TMEM132C: variants seen among roughly 807,000 people sequenced by gnomAD.
TMEM132C encodes transmembrane protein 132C.
Under a neutral mutation model 61.4 loss-of-function variants are expected in TMEM132C, and 29 were observed. The observed-to-expected ratio is 0.47, with a 90% confidence interval of 0.35 to 0.64. The LOEUF (loss-of-function observed/expected upper bound fraction) is 0.64. Ranked by LOEUF, TMEM132C falls within the 30% of genes least tolerant of loss-of-function variation. The pLI, the probability that TMEM132C is intolerant of heterozygous loss-of-function variation, is 0.00. For synonymous variants in TMEM132C, 656 were observed against 633.1 expected, an observed-to-expected ratio of 1.04 and a Z score of -0.54; for missense variants, 1,408 against 1,476.9, an observed-to-expected ratio of 0.95 and a Z score of 0.76.
chr12:128,517,278 A>T (rs1203493177), intron 2 of TMEM132C, among the ~76,000 whole-genome samples: 1 of 151,738 alleles, frequency 6.6e-6, no homozygotes, highest in African/African-American at 2.4e-5. Context: ...ACAAACAAAT[A>T]TACAAAAAAT....
intron 1 of TMEM132C, among the ~76,000 whole-genome samples, chr12:128,366,594 T>G (rs555531159): frequency 5.2e-4 from 79 of 152,210 alleles, no homozygotes; most frequent in Non-Finnish European, 9.7e-4. Context: ...AGTTTGAGGC[T>G]TGTGAGATGG....
intron 3 of TMEM132C, among the ~76,000 whole-genome samples, chr12:128,589,671 A>C (rs1875683826): frequency 6.6e-6 from 1 of 152,188 alleles, no homozygotes; most frequent in Admixed American, 6.5e-5. Context: ...AGGCAGTAGA[A>C]GTTTTGCTCA....
intron 2 of TMEM132C, among the ~76,000 whole-genome samples, chr12:128,498,905 T>C (rs1474313155): frequency 2.6e-5 from 4 of 152,152 alleles, no homozygotes; most frequent in Non-Finnish European, 4.4e-5. Flanking sequence ...ATCCCAGGTT[T>C]TGCAATTGGC....
At position 128,706,518 on chromosome 12, in the gene TMEM132C, C is replaced by A; in HGVS notation, c.*223C>A. On this transcript the variant is annotated 3_prime_UTR_variant, in exon 9 of 9. Transcript: ENST00000435159. The stretch of plus-strand genomic sequence containing the variant: ...AAGGTCAGGGGAATAAAGTCTGGGG[C>A]ATGGGGAGTGCAGACCAAGTTACTG... 1.9e-6 allele frequency: 1 copy of A among 537,860 alleles called. No individual in the cohort carries two copies. The highest frequency in any genetic ancestry group is 3.0e-6 in the Non-Finnish European group (1 of 333,262). 33.3% of individuals were successfully genotyped at this position (537,860 alleles called of 1,614,324 possible).
intron 3 of TMEM132C, among the ~76,000 whole-genome samples, chr12:128,572,712 A>C (rs1874936318): frequency 6.7e-6 from 1 of 150,286 alleles, no homozygotes; most frequent in Non-Finnish European, 1.5e-5. Flanking sequence ...TCACATGCTC[A>C]CTGTGGCCTC....
chr12:128,458,710 A>G (rs375220956), intron 2 of TMEM132C, among the ~76,000 whole-genome samples: 1 of 152,174 alleles, frequency 6.6e-6, no homozygotes, highest in African/African-American at 2.4e-5. Context: ...GCCAGTTTCC[A>G]TGGTGTACAT....
At chr12:128,688,470 A>G (rs1170670688) in intron 5 of TMEM132C, among the ~76,000 whole-genome samples, 1 of 152,222 alleles carries the variant, frequency 6.6e-6, no homozygotes, top group Non-Finnish European at 1.5e-5. Context: ...AAAGCAAAAC[A>G]AAAAGAAAAC....
intron 2 of TMEM132C, among the ~76,000 whole-genome samples, chr12:128,525,483 A>C (rs1325833666): frequency 2.6e-5 from 4 of 152,122 alleles, no homozygotes; most frequent in Non-Finnish European, 5.9e-5. Context: ...GAATAATTAA[A>C]TGTCTTGCTT....
chr12:128,698,302 C>G (rs1251303383), intron 8 of TMEM132C, among the ~76,000 whole-genome samples: 1 of 152,194 alleles, frequency 6.6e-6, no homozygotes, highest in Non-Finnish European at 1.5e-5. Context: ...GAGTTATCCA[C>G]GTAACACAGC....
At chr12:128,389,831 C>G (rs1171680708) in intron 1 of TMEM132C, among the ~76,000 whole-genome samples, 1 of 152,184 alleles carries the variant, frequency 6.6e-6, no homozygotes, top group Non-Finnish European at 1.5e-5. Context: ...AGATTTTATT[C>G]AAAGAGAAGC....
chr12:128,512,643 G>T lies in TMEM132C; in HGVS notation c.975-31314G>T, dbSNP rs184056195. Reference sequence around the variant, plus strand: ...TAGAGTTAGCTGTGGGGTAAATTCTGTAAAGCTCTGCAAGTAGGCAGAGGA... The same window carrying T: ...TAGAGTTAGCTGTGGGGTAAATTCTTTAAAGCTCTGCAAGTAGGCAGAGGA... On this transcript the variant is annotated intron_variant, in intron 2 of 8. Transcript: ENST00000435159. Among the ~76,000 whole-genome samples the T allele has an allele frequency of 4.5e-4, 69 of 152,302 alleles. No individual in the cohort carries two copies. The East Asian group carries it at 0.013, about 28-fold the overall frequency.
At chr12:128,703,115 G>T (rs980477942) in intron 8 of TMEM132C, among the ~76,000 whole-genome samples, 1 of 152,128 alleles carries the variant, frequency 6.6e-6, no homozygotes, top group Non-Finnish European at 1.5e-5. Flanking sequence ...TCTTCCTAAC[G>T]ATATGACTGG....
intron 1 of TMEM132C, among the ~76,000 whole-genome samples, chr12:128,406,206 G>T (rs1358985337): frequency 6.6e-6 from 1 of 152,146 alleles, no homozygotes; most frequent in African/African-American, 2.4e-5. Context: ...CCAGCAAATG[G>T]TGTCTACATT....
chr12:128,611,574 G>A (rs1876637845), intron 3 of TMEM132C, among the ~76,000 whole-genome samples: 1 of 152,136 alleles, frequency 6.6e-6, no homozygotes. Context: ...ATCACCACAT[G>A]CATCATTTTT....
intron 3 of TMEM132C, among the ~76,000 whole-genome samples, chr12:128,595,569 T>C (rs780783325): frequency 2.0e-5 from 3 of 152,068 alleles, no homozygotes; most frequent in Admixed American, 6.5e-5. Context: ...AAGGGACCCA[T>C]GCGGTGAAGA....
chr12:128,445,358 CCT>C (rs1226999116), intron 2 of TMEM132C, among the ~76,000 whole-genome samples: 5 of 152,192 alleles, frequency 3.3e-5, no homozygotes, highest in African/African-American at 1.2e-4. Flanking sequence ...CCTCTCATTG[CCT>C]CTCCTGTGGT....
intron 1 of TMEM132C, among the ~76,000 whole-genome samples, chr12:128,366,450 C>T (rs781392007): frequency 1.3e-5 from 2 of 152,300 alleles, no homozygotes; most frequent in Middle Eastern, 3.4e-3. Flanking sequence ...GACCTTCTGG[C>T]TCCTCAGCTG....
intron 1 of TMEM132C, among the ~76,000 whole-genome samples, chr12:128,361,700 G>A (rs1873714235): frequency 6.6e-6 from 1 of 151,866 alleles, no homozygotes; most frequent in South Asian, 2.1e-4. Flanking sequence ...GCCTGTGGGA[G>A]GAGATGGAGA....
chr12:128,487,674 G>A (rs1459297438), intron 2 of TMEM132C, among the ~76,000 whole-genome samples: 1 of 150,198 alleles, frequency 6.7e-6, no homozygotes. Flanking sequence ...CGTGAAAGAC[G>A]TAGATCTTAA....
Sources: gnomAD v4.1 joint callset for allele counts (sites outside exome capture counted in the v4.1 genomes callset) on GRCh38, gnomAD v4.1.1 for gene constraint, MANE v1.5 for transcripts, NCBI Gene and HGNC (gene_info 2026-07-23, HGNC 2026-07-21) for gene names.